OTUD7A: variants seen among roughly 807,000 people sequenced by gnomAD.
OTUD7A encodes the protein OTU domain-containing protein 7A.
A neutral mutation model predicts 65.7 loss-of-function variants in OTUD7A; 12 were observed. The observed-to-expected ratio is 0.18, with a 90% CI of 0.12 to 0.30. The LOEUF (loss-of-function observed/expected upper bound fraction) is 0.30. Ranked by LOEUF, OTUD7A falls within the 10% of genes least tolerant of loss-of-function variation. OTUD7A has a pLI of 1.00. For synonymous variants in OTUD7A, 641 were observed against 586.3 expected (o/e 1.09, Z -1.35); for missense variants, 1,148 against 1,304.8 (o/e 0.88, Z 1.85).
chr15:31,758,749 G>A (rs1030717292), intron 1 of OTUD7A, among the ~76,000 whole-genome samples: 17 of 152,056 alleles, frequency 1.1e-4, no homozygotes, highest in African/African-American at 3.4e-4. Context: ...CCAACTGGAT[G>A]AAGCACAACT....
intron 1 of OTUD7A, among the ~76,000 whole-genome samples, chr15:31,810,208 G>A (rs935736416): frequency 1.3e-5 from 2 of 152,198 alleles, no homozygotes; most frequent in African/African-American, 4.8e-5. Flanking sequence ...TACTTACAGA[G>A]AAGGTGCAGG....
intron 4 of OTUD7A, among the ~76,000 whole-genome samples, chr15:31,568,197 G>A (rs1164120245): frequency 1.3e-5 from 2 of 152,248 alleles, no homozygotes; most frequent in Non-Finnish European, 2.9e-5. Flanking sequence ...GCAGCCATGG[G>A]GGCTGAACTC....
At chr15:31,868,908 AC>A (rs1897950578) in intron 1 of OTUD7A, among the ~76,000 whole-genome samples, 1 of 152,366 alleles carries the variant, frequency 6.6e-6, no homozygotes, top group Admixed American at 6.5e-5. Context: ...CCAGGTCCCA[AC>A]TTTTGAGTGG....
intron 1 of OTUD7A, among the ~76,000 whole-genome samples, chr15:31,849,031 T>G (rs556810671): frequency 2.0e-5 from 3 of 152,346 alleles, no homozygotes; most frequent in Admixed American, 6.5e-5. Context: ...GAATGCTGAA[T>G]ATTGGCCCCC....
At chr15:31,803,607 A>G (rs916652644) in intron 1 of OTUD7A, among the ~76,000 whole-genome samples, 2 of 152,206 alleles carry the variant, frequency 1.3e-5, no homozygotes, top group Admixed American at 1.3e-4. Context: ...CTTCTTTTCC[A>G]TAAGTGCTGC....
At chr15:31,852,907 CCAAAAGA>C (rs1452383743) in intron 1 of OTUD7A, among the ~76,000 whole-genome samples, 1 of 152,134 alleles carries the variant, frequency 6.6e-6, no homozygotes, top group Non-Finnish European at 1.5e-5. Flanking sequence ...TCACAGACTT[CCAAAAGA>C]CAGGTGGTCA....
chr15:31,572,938 C>T (rs28573802), intron 3 of OTUD7A, among the ~76,000 whole-genome samples: 49,287 of 151,094 alleles, frequency 0.33, 10,394 homozygotes, highest in African/African-American at 0.61. Flanking sequence ...AAATAAAAAA[C>T]CTGAAATAAT....
At chr15:31,569,906 G>A in intron 4 of OTUD7A, 112 bp downstream of exon 4, 1 of 1,150,522 alleles carries the variant, frequency 8.7e-7, no homozygotes, top group Non-Finnish European at 1.2e-6. Context: ...AGGCCAATAT[G>A]TCTGCATCCG....
intron 3 of OTUD7A, among the ~76,000 whole-genome samples, chr15:31,593,365 A>T (rs1029346745): frequency 2.6e-5 from 4 of 152,062 alleles, no homozygotes; most frequent in African/African-American, 9.7e-5. Context: ...TCTCGGGGTC[A>T]GAGCTCTGAG....
chr15:31,796,201 T>C (rs1363074785), intron 1 of OTUD7A, among the ~76,000 whole-genome samples: 24 of 84,008 alleles, frequency 2.9e-4, no homozygotes, highest in African/African-American at 9.3e-4. Flanking sequence ...TCTATCTATC[T>C]ATCTATCTAT....
intron 3 of OTUD7A, among the ~76,000 whole-genome samples, chr15:31,600,867 C>A (rs1330440487): frequency 1.3e-5 from 2 of 152,152 alleles, no homozygotes; most frequent in Non-Finnish European, 2.9e-5. Flanking sequence ...CAAAGAAGGG[C>A]ATTACATAGT....
chr15:31,844,807 A>G (rs1448664560), intron 1 of OTUD7A, among the ~76,000 whole-genome samples: 1 of 152,236 alleles, frequency 6.6e-6, no homozygotes, highest in Non-Finnish European at 1.5e-5. Flanking sequence ...TGGGTCCCAC[A>G]GGAGGCCACG....
chr15:31,500,207 C>T (rs1020569710), intron 10 of OTUD7A, among the ~76,000 whole-genome samples: 3 of 152,212 alleles, frequency 2.0e-5, no homozygotes, highest in African/African-American at 7.2e-5. Context: ...AGCTAAATCC[C>T]CGGGAAGGAG....
At position 31,484,026 on chromosome 15, in the gene OTUD7A, G is replaced by A. The variant is rs113104746; in HGVS notation, c.2070C>T (p.Ala690=). ...RRDAATAAAA[A]AAAAAATAKR... ...TGGCCGTGGCGGCGGCGGCGGCGGC[G>A]GCAGCGGCGGCCGCAGTAGCGGCGT... The change falls in exon 13 of 13, where the codon GCC becomes GCT. Residue 690 remains alanine (A), a synonymous_variant. Transcript: ENST00000307050. This position sits in a 1 kb window ranked among gnomAD's most constrained non-coding sequence, Gnocchi z 4.5. 10 of 990,360 alleles carry A rather than the reference G, an allele frequency of 1.0e-5. No homozygotes were observed. The highest frequency in any genetic ancestry group is 3.9e-5 in the African/African-American group (2 of 51,028). 61.3% of individuals were successfully genotyped at this position (990,360 alleles called of 1,614,324 possible). A position where few individuals can be genotyped will look rare whatever the true frequency, so the allele number is the denominator to read the frequency against.
intron 8 of OTUD7A, among the ~76,000 whole-genome samples, chr15:31,504,367 G>C (rs1177394794): frequency 2.6e-5 from 4 of 152,268 alleles, no homozygotes; most frequent in East Asian, 1.9e-4. Context: ...GAGGGGATGC[G>C]ATGTGAATGT....
intron 1 of OTUD7A, among the ~76,000 whole-genome samples, chr15:31,663,711 G>C (rs1397281509): frequency 1.3e-5 from 2 of 152,024 alleles, no homozygotes; most frequent in Non-Finnish European, 2.9e-5. Context: ...GGGTACAGGT[G>C]GTGTTTGGTT....
chr15:31,688,450 A>T (rs983375417), intron 1 of OTUD7A, among the ~76,000 whole-genome samples: 2 of 152,062 alleles, frequency 1.3e-5, no homozygotes, highest in African/African-American at 4.8e-5. Context: ...ACGAAAGAGA[A>T]AAACGAAAGC....
At chr15:31,686,128 C>G (rs894027077) in intron 1 of OTUD7A, among the ~76,000 whole-genome samples, 1 of 152,244 alleles carries the variant, frequency 6.6e-6, no homozygotes, top group Non-Finnish European at 1.5e-5. Flanking sequence ...CTGGGGAACA[C>G]ATACTGCCAG....
At chr15:31,717,830 T>C (rs865893708) in intron 1 of OTUD7A, among the ~76,000 whole-genome samples, 7 of 152,350 alleles carry the variant, frequency 4.6e-5, no homozygotes, top group South Asian at 4.1e-4. Flanking sequence ...TCTTCCACAA[T>C]GGTTGAACTA....
Sources: allele counts gnomAD v4.1 joint callset (sites outside exome capture counted in the v4.1 genomes callset), GRCh38; gene constraint gnomAD v4.1.1; non-coding constraint Gnocchi (gnomAD v3.1); transcripts MANE v1.5; gene names NCBI Gene and HGNC (gene_info 2026-07-23, HGNC 2026-07-21).